The following TRAPPC8 variants were observed in gnomAD, a reference collection of about 807,000 sequenced individuals.
TRAPPC8 encodes trafficking protein particle complex subunit 8, also known as general sporulation gene 1 homolog.
In TRAPPC8, 54 loss-of-function variants were observed where a neutral mutation model predicts 174.3. The ratio of observed to expected loss-of-function variants is 0.31; its 90% CI spans 0.25 to 0.39. The LOEUF (loss-of-function observed/expected upper bound fraction) is 0.39. Among genes scored for constraint, TRAPPC8 ranks in the 10% least tolerant of loss-of-function variants. TRAPPC8 has a pLI of 1.00. For synonymous variants in TRAPPC8, 630 were observed against 579.9 expected (o/e 1.09, Z -1.24); for missense variants, 1,531 against 1,699.1 (o/e 0.90, Z 1.74).
At chr18:31,929,905 T>C (rs2037778850) in intron 2 of TRAPPC8, among the ~76,000 whole-genome samples, 2 of 152,176 alleles carry the variant, frequency 1.3e-5, no homozygotes, top group Admixed American at 1.3e-4. Context: ...AATTCAGATT[T>C]TTTTGACTGG....
chr18:31,869,655 T>A (rs1483964066), intron 16 of TRAPPC8, among the ~76,000 whole-genome samples: 3 of 152,172 alleles, frequency 2.0e-5, no homozygotes, highest in Non-Finnish European at 4.4e-5. Context: ...TATGAATCAC[T>A]CATATGATGG....
At chr18:31,839,274 G>C (rs773500912) in intron 27 of TRAPPC8, 38 bp downstream of exon 27, 32 of 1,578,944 alleles carry the variant, frequency 2.0e-5, no homozygotes, top group Non-Finnish European at 2.1e-5. Flanking sequence ...GTGCCAGTGT[G>C]TTGTAGAAAA....
At chr18:31,909,555 C>T in intron 6 of TRAPPC8, 112 bp downstream of exon 6, 12 of 1,446,116 alleles carry the variant, frequency 8.3e-6, no homozygotes, top group South Asian at 1.5e-5. Flanking sequence ...TGCCCAATAT[C>T]TTTCTGTATT....
At chr18:31,875,323 T>TA (rs2035089095) in intron 12 of TRAPPC8, among the ~76,000 whole-genome samples, 1 of 148,950 alleles carries the variant, frequency 6.7e-6, no homozygotes, top group African/African-American at 2.4e-5. Context: ...TATATAATAA[T>TA]ATATATAGTA....
chr18:31,878,518 G>T (rs964944199), intron 12 of TRAPPC8, among the ~76,000 whole-genome samples: 2 of 152,090 alleles, frequency 1.3e-5, no homozygotes, highest in African/African-American at 4.8e-5. Flanking sequence ...TCTAAACACG[G>T]AAACAAAAGG....
intron 12 of TRAPPC8, among the ~76,000 whole-genome samples, chr18:31,888,785 A>C (rs1197101213): frequency 6.6e-6 from 1 of 152,214 alleles, no homozygotes; most frequent in African/African-American, 2.4e-5. Context: ...GAGGGAAAGC[A>C]TCAGGAAAAA....
chr18:31,913,257 C>A (rs2036994553), intron 5 of TRAPPC8, 112 bp downstream of exon 5: 10 of 1,240,246 alleles, frequency 8.1e-6, no homozygotes, highest in Admixed American at 3.1e-5. Context: ...TCTGACAGAT[C>A]AAAACTGACC....
intron 25 of TRAPPC8, among the ~76,000 whole-genome samples, chr18:31,847,121 A>G (rs1269779663): frequency 6.6e-6 from 1 of 152,202 alleles, no homozygotes; most frequent in East Asian, 1.9e-4. Flanking sequence ...CTGTGCTATA[A>G]CACAAGCTGT....
At chr18:31,931,637 T>C in intron 1 of TRAPPC8, 114 bp from the exon 2 acceptor site, 1 of 717,182 alleles carries the variant, frequency 1.4e-6, no homozygotes, top group Non-Finnish European at 2.1e-6. Flanking sequence ...AGCCAGCAAT[T>C]CCAAGTGGAA....
chr18:31,846,855 A>G (rs2033437861), intron 25 of TRAPPC8, 38 bp from the exon 26 acceptor site: 1 of 1,499,892 alleles, frequency 6.7e-7, no homozygotes, highest in African/African-American at 1.4e-5. Flanking sequence ...ACCGTGCTTG[A>G]CAGTAACCTC....
chr18:31,846,743 T>C lies in TRAPPC8; in HGVS notation c.3810A>G (p.Lys1270=), dbSNP rs2033427332. Residue 1270 remains lysine (K), a synonymous_variant, in exon 26 of 29, where the codon AAA becomes AAG. Transcript: ENST00000283351. Reference sequence around the variant, plus strand: ...GTTTCTGAGGATATGAAAAGGCTTCTTTTCCTATAGTGCGAAGAATAACAT... The same window carrying C: ...GTTTCTGAGGATATGAAAAGGCTTCCTTTCCTATAGTGCGAAGAATAACAT... ...QHHVILRTIG[K]EAFSYPQKQE... 6.2e-7 allele frequency: 1 copy of C among 1,612,384 alleles called. No homozygotes were observed. The highest frequency in any genetic ancestry group is 1.3e-5 in the African/African-American group (1 of 74,912).
rs752704208 is a variant in TRAPPC8, at chr18:31,855,848, A to T, written c.3189-41T>A. The T allele has an allele frequency of 5.1e-6, 8 of 1,558,100 alleles. No individual in the cohort carries two copies. The Admixed American group carries it at 6.7e-5, about 13-fold the overall frequency. On this transcript the variant is annotated intron_variant, in intron 20 of 28. Coordinates refer to ENST00000283351, the MANE Select transcript of TRAPPC8 (RefSeq NM_014939.5). The stretch of plus-strand genomic sequence containing the variant: ...AAAAAAAAAGCACATTTAAGCACAG[A>T]GTCTCTATGTTATAATTATCTAATT...
At chr18:31,837,661 G>A (rs2144946950) in intron 27 of TRAPPC8, among the ~76,000 whole-genome samples, 1 of 152,026 alleles carries the variant, frequency 6.6e-6, no homozygotes, top group Non-Finnish European at 1.5e-5. Context: ...TCGTATCACT[G>A]CACTCCAGCC....
chr18:31,851,280 A>G (rs1347442263), intron 24 of TRAPPC8, among the ~76,000 whole-genome samples: 1 of 152,186 alleles, frequency 6.6e-6, no homozygotes, highest in Non-Finnish European at 1.5e-5. Context: ...CACCCAAGAT[A>G]TAATCAACCA....
chr18:31,839,483 G>T, intron 26 of TRAPPC8, 26 bp from the exon 27 acceptor site: 1 of 1,539,884 alleles, frequency 6.5e-7, no homozygotes, highest in Non-Finnish European at 8.7e-7. Flanking sequence ...AAAAACATAT[G>T]ACAATAAAAA....
intron 26 of TRAPPC8, among the ~76,000 whole-genome samples, chr18:31,843,932 T>C (rs1053947613): frequency 2.6e-5 from 4 of 152,244 alleles, no homozygotes; most frequent in African/African-American, 9.6e-5. Context: ...TAATTCTACC[T>C]GCCTTGCTTA....
At chr18:31,908,631 G>T in intron 7 of TRAPPC8, 123 bp downstream of exon 7, 1 of 1,074,044 alleles carries the variant, frequency 9.3e-7, no homozygotes. Context: ...GTAATTTTGG[G>T]AAGTCTTAAT....
rs193135813 is a variant in TRAPPC8 at position 31,939,070 on chromosome 18, G to A, written c.157+3538C>T. Among the ~76,000 whole-genome samples, 1,091 of 112,756 alleles carry A rather than the reference G, an allele frequency of 9.7e-3. 8 individuals are homozygous for A. Among genetic ancestry groups the A allele is most frequent in the Non-Finnish European group, 0.014 (858 of 59,798 alleles). The allele number at this position is 112,756 out of a possible 152,430, so 74.0% of individuals were successfully genotyped here. ...CTGCACTCCAGCCTGGTGACAGAGC[G>A]AGACTCCGTCTCAAAAAAAAAAAAA... On this transcript the variant is annotated intron_variant, in intron 1 of 28. Transcript: ENST00000283351.
intron 1 of TRAPPC8, among the ~76,000 whole-genome samples, chr18:31,938,172 C>T (rs2038184247): frequency 6.6e-6 from 1 of 151,784 alleles, no homozygotes; most frequent in Non-Finnish European, 1.5e-5. Context: ...AAAAACAAGG[C>T]TTAATTTTAA....
Sources: allele counts gnomAD v4.1 joint callset (sites outside exome capture counted in the v4.1 genomes callset), GRCh38; gene constraint gnomAD v4.1.1; transcripts MANE v1.5; gene names NCBI Gene and HGNC (gene_info 2026-07-23, HGNC 2026-07-21).